NUTM2B: variants seen among roughly 807,000 people sequenced by gnomAD.
NUTM2B encodes the protein NUT family member 2B, also known as family with sequence similarity 22, member B.
A neutral mutation model predicts 42.4 loss-of-function variants in NUTM2B; 2 were observed. The ratio of observed to expected loss-of-function variants is 0.05; its 90% CI spans 0.02 to 0.15. NUTM2B has a LOEUF of 0.15. NUTM2B is among the 10% of genes least tolerant of loss of function. NUTM2B has a pLI of 1.00. For synonymous variants in NUTM2B, 18 were observed against 402.4 expected, an observed-to-expected ratio of 0.04 and a Z score of 11.43; for missense variants, 58 against 952.6, an observed-to-expected ratio of 0.06 and a Z score of 12.36.
the NUTM2B span, among the ~76,000 whole-genome samples, chr10:79,694,648 G>A: frequency 0.094 from 14,299 of 152,064 alleles, 961 homozygotes; most frequent in Non-Finnish European, 0.15. Context: ...GCCAGGCTTC[G>A]CCCACACCTG....
At chr10:79,705,360 G>A (rs1484242853) in intron 1 of NUTM2B, among the ~76,000 whole-genome samples, 2 of 149,954 alleles carry the variant, frequency 1.3e-5, no homozygotes, top group Non-Finnish European at 3.0e-5. Flanking sequence ...TGGCAGCCGG[G>A]ACCATCGAGT....
the NUTM2B span, among the ~76,000 whole-genome samples, chr10:79,694,505 C>T: frequency 2.6e-5 from 4 of 152,116 alleles, no homozygotes; most frequent in Non-Finnish European, 5.9e-5. Flanking sequence ...AACCCATCGA[C>T]AGGGTTCTCA....
At chr10:79,699,233 C>T (rs1429239106), upstream of NUTM2B, among the ~76,000 whole-genome samples, 1 of 151,850 alleles carries the variant, frequency 6.6e-6, no homozygotes, top group South Asian at 2.1e-4. Context: ...TGTTATTGCC[C>T]ATGTGCACAA....
chr10:79,699,601 C>T (rs1413858223), upstream of NUTM2B, among the ~76,000 whole-genome samples: 9 of 152,222 alleles, frequency 5.9e-5, no homozygotes, highest in Non-Finnish European at 1.3e-4. Context: ...CACCACCACA[C>T]CCAGCTAATT....
chr10:79,709,740 G>C (rs544601180), intron 3 of NUTM2B, 60 bp from the exon 4 acceptor site: 3 of 511,474 alleles, frequency 5.9e-6, no homozygotes, highest in South Asian at 5.6e-5. Context: ...GCCGCTGCCT[G>C]GTCCTGCGGG....
At chr10:79,697,666 A>AT in the NUTM2B span, among the ~76,000 whole-genome samples, 1 of 152,128 alleles carries the variant, frequency 6.6e-6, no homozygotes, top group Non-Finnish European at 1.5e-5. Flanking sequence ...TTCTTTTGTT[A>AT]TTTTTTTAAG....
chr10:79,700,698 G>C (rs549876019), upstream of NUTM2B, among the ~76,000 whole-genome samples: 2 of 152,076 alleles, frequency 1.3e-5, no homozygotes, highest in Non-Finnish European at 2.9e-5. Context: ...GTGGGTCACC[G>C]CCCTTTGCTC....
chr10:79,694,508 G>C, the NUTM2B span, among the ~76,000 whole-genome samples: 1 of 152,014 alleles, frequency 6.6e-6, no homozygotes, highest in Non-Finnish European at 1.5e-5. Context: ...CCATCGACAG[G>C]GTTCTCAGAA....
intron 5 of NUTM2B, among the ~76,000 whole-genome samples, 174 bp downstream of exon 5, chr10:79,710,938 T>C (rs1456583431): frequency 7.5e-6 from 1 of 134,174 alleles, no homozygotes; most frequent in Non-Finnish European, 1.6e-5. Context: ...GTGTCTGTGG[T>C]TTGTTACTGT....
chr10:79,706,133 CCCAGCACACGGG>C lies in NUTM2B; in HGVS notation c.477_488del (p.Ala160_Pro163del), dbSNP rs750210009. 3.7e-5 allele frequency: 59 copies of C among 1,598,482 alleles called. No individual in the cohort carries two copies. The East Asian group carries it at 8.3e-4, about 22-fold the overall frequency. Reference sequence around the variant, plus strand: ...TGCCCTTCACCACACCCGCTCCCGGCCCAGCACACGGGCCGCTCCTTGTGACTGCAGGGGCTC... The same window carrying C: ...TGCCCTTCACCACACCCGCTCCCGGCCCGCTCCTTGTGACTGCAGGGGCTC... On this transcript the variant is annotated inframe_deletion, in exon 2 of 7. Coordinates refer to ENST00000429828, the Ensembl canonical transcript of NUTM2B.
At chr10:79,697,001 AAAGT>A in the NUTM2B span, among the ~76,000 whole-genome samples, 7 of 122,248 alleles carry the variant, frequency 5.7e-5, no homozygotes, top group African/African-American at 2.3e-4. Context: ...ACTCACTCTC[AAAGT>A]AAGACTTCTT....
At chr10:79,693,696 C>T in the NUTM2B span, among the ~76,000 whole-genome samples, 1 of 152,184 alleles carries the variant, frequency 6.6e-6, no homozygotes, top group Non-Finnish European at 1.5e-5. Context: ...ACCTGGTATA[C>T]ATTACAGTGC....
At chr10:79,694,311 G>T in the NUTM2B span, among the ~76,000 whole-genome samples, 1 of 151,706 alleles carries the variant, frequency 6.6e-6, no homozygotes, top group Non-Finnish European at 1.5e-5. Context: ...GCAGGAGAAT[G>T]GCTTAGAACC....
chr10:79,693,346 G>A, the NUTM2B span, among the ~76,000 whole-genome samples: 10 of 152,344 alleles, frequency 6.6e-5, no homozygotes, highest in East Asian at 1.9e-3. Context: ...GGACTGAGAT[G>A]GGGACATATC....
At chr10:79,692,130 G>A in the NUTM2B span, 1 of 152,052 alleles carries the variant, frequency 6.6e-6, no homozygotes, top group African/African-American at 2.4e-5. Flanking sequence ...AGGGGCAAGA[G>A]CAGGGAGCCC....
chr10:79,700,191 G>C (rs1488099350), upstream of NUTM2B, among the ~76,000 whole-genome samples: 7 of 152,254 alleles, frequency 4.6e-5, no homozygotes, highest in Admixed American at 1.3e-4. Flanking sequence ...GCTCCTATCA[G>C]TGACAAATCA....
intron 3 of NUTM2B, among the ~76,000 whole-genome samples, chr10:79,709,329 T>C (rs1228797892): frequency 2.9e-5 from 4 of 135,760 alleles, no homozygotes; most frequent in Non-Finnish European, 6.3e-5. Flanking sequence ...GGCAGACAGA[T>C]AGACAGCAGC....
At chr10:79,711,149 G>GGGGAC (rs1237765564) in intron 5 of NUTM2B, 101 bp from the exon 6 acceptor site, 2 of 658,708 alleles carry the variant, frequency 3.0e-6, no homozygotes, top group African/African-American at 4.0e-5. Flanking sequence ...CCAGGAGGGT[G>GGGGAC]GGGACGGGGC....
At chr10:79,704,280 ATTGTGTGT>A (rs1840349680) in intron 1 of NUTM2B, among the ~76,000 whole-genome samples, 1 of 91,144 alleles carries the variant, frequency 1.1e-5, no homozygotes, top group African/African-American at 6.0e-5. Context: ...AGGTCACGTC[ATTGTGTGT>A]TTGTAGGGAG....
Sources: allele counts gnomAD v4.1 joint callset (sites outside exome capture counted in the v4.1 genomes callset), GRCh38; gene constraint gnomAD v4.1.1; transcripts MANE v1.5; gene names NCBI Gene and HGNC (gene_info 2026-07-23, HGNC 2026-07-21).